The following ZFHX4 variants were observed in gnomAD, a reference collection of about 807,000 sequenced individuals.
ZFHX4 encodes the protein zinc finger homeobox 4.
In ZFHX4, 56 loss-of-function variants were observed where a neutral mutation model predicts 267.6. The observed-to-expected ratio is 0.21, with a 90% confidence interval of 0.17 to 0.26. The LOEUF (loss-of-function observed/expected upper bound fraction) is 0.26, where lower values mean the gene tolerates loss of function less well. Among genes scored for constraint, ZFHX4 ranks in the 10% least tolerant of loss-of-function variants. The probability of loss-of-function intolerance (pLI) is 1.00; values close to 1 mark genes in which losing one functional copy is unlikely to be tolerated. For missense variants in ZFHX4, 4,332 were observed against 4,420.0 expected (o/e 0.98, Z 0.56); for synonymous variants, 1,778 against 1,665.6 (o/e 1.07, Z -1.64).
At chr8:76,778,085 T>G in intron 3 of ZFHX4, 123 bp from the exon 4 acceptor site, 1 of 675,602 alleles carries the variant, frequency 1.5e-6, no homozygotes, top group Admixed American at 2.2e-5. Flanking sequence ...CTGCGTCTTA[T>G]AAGAAAAATG....
At chr8:76,845,318 G>A (rs1242669205) in intron 6 of ZFHX4, among the ~76,000 whole-genome samples, 2 of 152,004 alleles carry the variant, frequency 1.3e-5, no homozygotes, top group African/African-American at 4.8e-5. Flanking sequence ...TTATAGCCCT[G>A]TGCAGTACAA....
chr8:76,853,749 T>C lies in ZFHX4; in HGVS notation c.6828T>C (p.Asn2276=), dbSNP rs1320046291. The change falls in exon 10 of 11, where the codon AAT becomes AAC. Residue 2276 remains asparagine (N), a synonymous_variant. Transcript: ENST00000651372. Reference sequence around the variant, plus strand: ...GGGTTATTGTTGTATGGTTCCAGAATGCTCGTCAGAAAGCACGAAAGAGTT... The same window carrying C: ...GGGTTATTGTTGTATGGTTCCAGAACGCTCGTCAGAAAGCACGAAAGAGTT... ...PTRVIVVWFQ[N]ARQKARKSYE... is the part of the protein sequence containing the mutation. 3.1e-6 allele frequency: 5 copies of C among 1,613,748 alleles called. No individual in the cohort carries two copies. The highest frequency in any genetic ancestry group is 1.7e-5 in the Admixed American group (1 of 60,002).
intron 4 of ZFHX4, among the ~76,000 whole-genome samples, chr8:76,816,659 G>A (rs1397895359): frequency 4.2e-5 from 6 of 143,706 alleles, no homozygotes; most frequent in Non-Finnish European, 6.0e-5. Context: ...GCAGTGGCAC[G>A]AACTCGGCTC....
At chr8:76,836,043 A>G (rs1585994065) in intron 5 of ZFHX4, among the ~76,000 whole-genome samples, 1 of 152,308 alleles carries the variant, frequency 6.6e-6, no homozygotes, top group African/African-American at 2.4e-5. Flanking sequence ...TTGCACAAAT[A>G]GTCAAATTAG....
chr8:76,819,730 A>G (rs1165216690), intron 4 of ZFHX4, among the ~76,000 whole-genome samples: 1 of 152,220 alleles, frequency 6.6e-6, no homozygotes, highest in East Asian at 1.9e-4. Context: ...GCCGTGGAAC[A>G]AATGAAAACT....
intron 1 of ZFHX4, 102 bp from the exon 2 acceptor site, chr8:76,703,941 T>C (rs984254970): frequency 3.5e-6 from 3 of 854,568 alleles, no homozygotes; most frequent in Admixed American, 3.0e-5. Context: ...CTTACCTTTT[T>C]AGATAGTCAC....
rs1381399814 is a variant in ZFHX4 at position 76,681,526 on chromosome 8, C to G, written c.-141C>G. The G allele has an allele frequency of 1.5e-5, 6 of 397,974 alleles. No individual in the cohort carries two copies. Among genetic ancestry groups the G allele is most frequent in the African/African-American group, 1.0e-4 (5 of 48,346 alleles). The allele number at this position is 397,974 out of a possible 1,614,324, so 24.7% of individuals were successfully genotyped here. On this transcript the variant is annotated 5_prime_UTR_variant, in exon 1 of 11. Transcript: ENST00000651372. ...ATTTTTTTTGTTTTTTTAATGAACC[C>G]TCTCGTTTTACTTGGATGTGATCAG...
chr8:76,699,358 CCTT>C (rs147919261), intron 1 of ZFHX4, among the ~76,000 whole-genome samples: 2,358 of 152,144 alleles, frequency 0.015, 68 homozygotes, highest in African/African-American at 0.053. Flanking sequence ...CATTTGCTGT[CCTT>C]CTTGCTAATG....
At chr8:76,699,937 A>T (rs933695294) in intron 1 of ZFHX4, among the ~76,000 whole-genome samples, 2 of 151,864 alleles carry the variant, frequency 1.3e-5, no homozygotes, top group South Asian at 4.2e-4. Context: ...GTATAATTAT[A>T]CTTGTGAAGG....
At chr8:76,774,002 T>G (rs1275602645) in intron 3 of ZFHX4, among the ~76,000 whole-genome samples, 1 of 152,168 alleles carries the variant, frequency 6.6e-6, no homozygotes, top group Non-Finnish European at 1.5e-5. Flanking sequence ...GGCCCACTTT[T>G]GGACCAGACT....
intron 5 of ZFHX4, among the ~76,000 whole-genome samples, chr8:76,835,448 C>A (rs894971137): frequency 6.6e-6 from 1 of 151,348 alleles, no homozygotes; most frequent in Admixed American, 6.6e-5. Flanking sequence ...CTATATAGAA[C>A]AATAAATGAT....
intron 3 of ZFHX4, among the ~76,000 whole-genome samples, chr8:76,721,047 G>A (rs1362222492): frequency 6.6e-6 from 1 of 152,112 alleles, no homozygotes; most frequent in East Asian, 1.9e-4. Flanking sequence ...GGCAGAAGGG[G>A]ATGGGAATAC....
chr8:76,694,052 G>A lies in ZFHX4; in HGVS notation c.-46-9991G>A, dbSNP rs527945746. ...TCAAAGCCTGACCTCTTTTCTAGAA[G>A]TCTGTTATGCTAGAGTTGACTCTGA... is the stretch of plus-strand genomic sequence containing the variant. On this transcript the variant is annotated intron_variant, in intron 1 of 10. Coordinates refer to ENST00000651372, the MANE Select transcript of ZFHX4 (RefSeq NM_024721.5). Among the ~76,000 whole-genome samples the A allele has an allele frequency of 4.0e-3, 612 of 152,314 alleles. 2 individuals are homozygous for A. The highest frequency in any genetic ancestry group is 0.01 in the Middle Eastern group (3 of 294).
intron 3 of ZFHX4, among the ~76,000 whole-genome samples, chr8:76,715,585 G>A (rs1294978448): frequency 1.3e-5 from 2 of 150,858 alleles, no homozygotes; most frequent in Non-Finnish European, 2.9e-5. Context: ...TATAACTCTT[G>A]GGAAACCTCT....
intron 4 of ZFHX4, among the ~76,000 whole-genome samples, chr8:76,798,198 G>A (rs944984333): frequency 6.6e-6 from 1 of 152,066 alleles, no homozygotes; most frequent in African/African-American, 2.4e-5. Context: ...AATTATCCTA[G>A]TCCATACTAT....
chr8:76,861,675 T>G (rs1193252420), intron 10 of ZFHX4, among the ~76,000 whole-genome samples: 4 of 152,138 alleles, frequency 2.6e-5, no homozygotes, highest in Non-Finnish European at 5.9e-5. Context: ...AAAGATCAAT[T>G]AAGAAACTAT....
chr8:76,803,267 T>C (rs1361393460), intron 4 of ZFHX4, among the ~76,000 whole-genome samples: 1 of 150,418 alleles, frequency 6.6e-6, no homozygotes, highest in Non-Finnish European at 1.5e-5. Flanking sequence ...TGTGTGCGTG[T>C]GTGTGTGTGT....
At chr8:76,728,981 T>C (rs1170619370) in intron 3 of ZFHX4, among the ~76,000 whole-genome samples, 1 of 152,196 alleles carries the variant, frequency 6.6e-6, no homozygotes, top group East Asian at 1.9e-4. Flanking sequence ...TACTACCTCA[T>C]TGCCTATGGT....
chr8:76,846,873 T>C (rs533501011), intron 6 of ZFHX4, among the ~76,000 whole-genome samples: 10 of 152,276 alleles, frequency 6.6e-5, no homozygotes, highest in South Asian at 4.1e-4. Context: ...AACTAAGTCA[T>C]GGAAATTCTC....
Sources: gnomAD v4.1 joint callset for allele counts (sites outside exome capture counted in the v4.1 genomes callset) on GRCh38, gnomAD v4.1.1 for gene constraint, MANE v1.5 for transcripts, NCBI Gene and HGNC (gene_info 2026-07-23, HGNC 2026-07-21) for gene names.